Variants in RP1 observed in about 807,000 individuals in gnomAD.
The protein encoded by RP1 is oxygen-regulated protein 1.
A neutral mutation model predicts 14.8 loss-of-function variants in RP1; 16 were observed. That is an observed-to-expected ratio of 1.08 (90% CI 0.73 to 1.65). The LOEUF is 1.65. Ranked by LOEUF, RP1 falls within the 40% of genes most tolerant of loss-of-function variation. The pLI, the probability that RP1 is intolerant of heterozygous loss-of-function variation, is 0.00. For missense variants in RP1, 2,631 were observed against 2,535.0 expected (o/e 1.04, Z -0.81); for synonymous variants, 876 against 883.6 (o/e 0.99, Z 0.15).
chr8:54,683,133 C>T (rs1807475647), intron 12 of RP1, among the ~76,000 whole-genome samples: 1 of 152,018 alleles, frequency 6.6e-6, no homozygotes, highest in Admixed American at 6.6e-5. Context: ...ATTTCTGAGG[C>T]CTCTGTTCTG....
At chr8:54,616,259 T>C (rs1037965916) in intron 1 of RP1, 57 bp downstream of exon 1, 2 of 152,246 alleles carry the variant, frequency 1.3e-5, no homozygotes, top group African/African-American at 4.8e-5. Context: ...TTGCTAGTTG[T>C]ATTTTGTTTT....
chr8:54,733,233 C>T (rs929749844), intron 17 of RP1, among the ~76,000 whole-genome samples: 12 of 151,960 alleles, frequency 7.9e-5, no homozygotes, highest in Admixed American at 7.2e-4. Flanking sequence ...GCTTCTTTTC[C>T]TCTTCTTAAA....
At chr8:54,663,323 T>C (rs1450256284) in intron 6 of RP1, among the ~76,000 whole-genome samples, 1 of 152,168 alleles carries the variant, frequency 6.6e-6, no homozygotes, top group African/African-American at 2.4e-5. Flanking sequence ...AGCCGTAAAG[T>C]ACTTCCTTTA....
intron 1 of RP1, among the ~76,000 whole-genome samples, chr8:54,585,779 T>A (rs1320433249): frequency 1.3e-5 from 2 of 152,264 alleles, no homozygotes; most frequent in African/African-American, 4.8e-5. Flanking sequence ...TTTCTTCCTG[T>A]TGATCGAATC....
At chr8:54,638,195 A>G (rs1048879785) in intron 3 of RP1, among the ~76,000 whole-genome samples, 14 of 152,122 alleles carry the variant, frequency 9.2e-5, no homozygotes, top group Non-Finnish European at 2.1e-4. Flanking sequence ...GAATGTATGA[A>G]AATATCTTTT....
At chr8:54,745,943 C>T (rs1013581963) in intron 19 of RP1, among the ~76,000 whole-genome samples, 6 of 151,960 alleles carry the variant, frequency 3.9e-5, no homozygotes, top group Admixed American at 6.6e-5. Context: ...AAATACTAGA[C>T]GATGCTTCAG....
At chr8:54,738,934 T>C (rs1324540574) in intron 18 of RP1, 10 of 1,448,088 alleles carry the variant, frequency 6.9e-6, no homozygotes, top group Non-Finnish European at 8.2e-6. Context: ...TCCTTTGCAT[T>C]TCATTCAGGT....
intron 22 of RP1, among the ~76,000 whole-genome samples, chr8:54,765,742 C>A (rs1000787914): frequency 1.1e-4 from 16 of 152,268 alleles, no homozygotes; most frequent in African/African-American, 3.6e-4. Flanking sequence ...AAAATGTTAT[C>A]CATGCCATGA....
chr8:54,763,014 T>C (rs74804598), intron 22 of RP1, among the ~76,000 whole-genome samples: 4,324 of 152,250 alleles, frequency 0.028, 191 homozygotes, highest in African/African-American at 0.098. Context: ...ACATACCCTA[T>C]TTCCAAACAA....
intron 16 of RP1, among the ~76,000 whole-genome samples, chr8:54,722,524 C>A (rs1252057358): frequency 1.3e-5 from 2 of 152,048 alleles, no homozygotes; most frequent in African/African-American, 4.8e-5. Flanking sequence ...CCCGCCTCGG[C>A]CTCCCAATAG....
chr8:54,721,625 C>G (rs1808538598), intron 16 of RP1, among the ~76,000 whole-genome samples: 1 of 151,932 alleles, frequency 6.6e-6, no homozygotes, highest in South Asian at 2.1e-4. Context: ...CTAAAAGAAC[C>G]AATAGAAACA....
exon 29 of RP1, chr8:54,870,045 G>T: frequency 2.0e-6 from 1 of 505,746 alleles, no homozygotes; most frequent in Non-Finnish European, 3.1e-6. Context: ...AACACCTGGG[G>T]AGGGTCAGTT....
intron 19 of RP1, among the ~76,000 whole-genome samples, chr8:54,751,049 C>T (rs1302820869): frequency 3.3e-5 from 5 of 152,162 alleles, no homozygotes; most frequent in African/African-American, 4.8e-5. Flanking sequence ...TGGGTCCGTG[C>T]CATCTTCAAG....
At chr8:54,863,760 A>G (rs951713186) in intron 27 of RP1, among the ~76,000 whole-genome samples, 6 of 152,228 alleles carry the variant, frequency 3.9e-5, no homozygotes, top group African/African-American at 1.4e-4. Context: ...TTCAGCTACC[A>G]TGCTGTAGTA....
chr8:54,604,585 A>T (rs1025928765), intron 1 of RP1, among the ~76,000 whole-genome samples: 3 of 152,026 alleles, frequency 2.0e-5, no homozygotes, highest in African/African-American at 7.3e-5. Flanking sequence ...CTCTTTTTCT[A>T]TTGATTGGAA....
intron 24 of RP1, among the ~76,000 whole-genome samples, chr8:54,820,188 C>T (rs962905797): frequency 8.6e-5 from 13 of 152,010 alleles, no homozygotes; most frequent in Non-Finnish European, 4.4e-5. Context: ...AATCCTCTGT[C>T]CTCTTCCCTC....
chr8:54,564,615 G>T (rs1443315802), intron 1 of RP1, among the ~76,000 whole-genome samples: 2 of 152,222 alleles, frequency 1.3e-5, no homozygotes, highest in Admixed American at 1.3e-4. Context: ...CACTGAATAA[G>T]CAGAGAGGCT....
intron 12 of RP1, among the ~76,000 whole-genome samples, chr8:54,690,833 G>A (rs922013077): frequency 3.9e-5 from 6 of 151,958 alleles, no homozygotes; most frequent in African/African-American, 1.4e-4. Flanking sequence ...GCAACAGGGA[G>A]TGTTTAAGCT....
At chr8:54,869,348 A>G (rs960262869) in intron 28 of RP1, among the ~76,000 whole-genome samples, 1 of 152,190 alleles carries the variant, frequency 6.6e-6, no homozygotes, top group Non-Finnish European at 1.5e-5. Flanking sequence ...TTTTATACTG[A>G]TTACATGTTG....
Sources: gnomAD v4.1 joint callset for allele counts (sites outside exome capture counted in the v4.1 genomes callset) on GRCh38, gnomAD v4.1.1 for gene constraint, MANE v1.5 for transcripts, NCBI Gene and HGNC (gene_info 2026-07-23, HGNC 2026-07-21) for gene names.